Variants in RASGRF2 observed in about 807,000 individuals in gnomAD.
The protein encoded by RASGRF2 is ras-specific guanine nucleotide-releasing factor 2.
A neutral mutation model predicts 151.0 loss-of-function variants in RASGRF2; 76 were observed. That is an observed-to-expected ratio of 0.50 (90% confidence interval 0.42 to 0.61). The LOEUF is 0.61. RASGRF2 is among the 20% of genes least tolerant of loss of function. The pLI, the probability that RASGRF2 is intolerant of heterozygous loss-of-function variation, is 0.00. For missense variants in RASGRF2, 1,148 were observed against 1,564.6 expected, an observed-to-expected ratio of 0.73 and a Z score of 4.49; for synonymous variants, 504 against 566.5, an observed-to-expected ratio of 0.89 and a Z score of 1.57.
At chr5:81,079,522 G>A (rs1752027279) in intron 5 of RASGRF2, among the ~76,000 whole-genome samples, 2 of 152,078 alleles carry the variant, frequency 1.3e-5, no homozygotes, top group Non-Finnish European at 2.9e-5. Flanking sequence ...AAGCAATGAT[G>A]TTTTGACTTT....
rs1020851090 is a variant in RASGRF2, at chr5:80,961,031, C to T, written c.288+5C>T. On this transcript the variant is annotated splice_donor_5th_base_variant and intron_variant, in intron 1 of 26. Transcript: ENST00000265080. ...CGAGACGCGCTGGACAAGCAGGTAC[C>T]GCGCGCCTTCTCTCCGCGGTCTCCC... 3 of 1,454,586 alleles carry T rather than the reference C, an allele frequency of 2.1e-6. No homozygotes were observed. The highest frequency in any genetic ancestry group is 2.5e-5 in the Admixed American group (1 of 39,604). 90.1% of individuals were successfully genotyped at this position (1,454,586 alleles called of 1,614,324 possible).
intron 5 of RASGRF2, among the ~76,000 whole-genome samples, chr5:81,074,722 T>C (rs72769297): frequency 6.6e-6 from 1 of 152,176 alleles, no homozygotes; most frequent in South Asian, 2.1e-4. Context: ...AATCTGTGAA[T>C]GTACCATAGT....
chr5:81,159,328 G>T (rs564244465), intron 17 of RASGRF2, among the ~76,000 whole-genome samples: 4 of 152,222 alleles, frequency 2.6e-5, no homozygotes, highest in Admixed American at 6.5e-5. Context: ...CTCTGCCTTT[G>T]CAGTGCCAAA....
intron 9 of RASGRF2, among the ~76,000 whole-genome samples, chr5:81,089,887 C>A (rs938739806): frequency 1.3e-5 from 2 of 152,094 alleles, no homozygotes; most frequent in East Asian, 3.8e-4. Flanking sequence ...AAGCCAAGAT[C>A]CAAATTTTGG....
chr5:81,123,720 G>A lies in RASGRF2; in HGVS notation c.2549G>A (p.Cys850Tyr), dbSNP rs778348201. ...PAADTTELSP[C>Y]RSPSTPRHLR... is the part of the protein sequence containing the mutation. ...GCGGACACCACAGAACTTTCACCTT[G>A]CAGATCCCCCTCAACTCCTCGGCAC... Residue 850 changes from cysteine to tyrosine, a missense_variant, in exon 16 of 27, where the codon TGC becomes TAC. Physicochemically the swap from Cys to Tyr is radical, Grantham distance 194. Around this residue, in one of 5 missense-constraint regions of RASGRF2, gnomAD observed 646 missense variants for 807.4 expected, o/e 0.80. Coordinates refer to ENST00000265080, the MANE Select transcript of RASGRF2 (RefSeq NM_006909.3). The A allele has an allele frequency of 6.2e-7, 1 of 1,613,954 alleles. No individual in the cohort carries two copies. Among genetic ancestry groups the A allele is most frequent in the Non-Finnish European group, 8.5e-7 (1 of 1,179,960 alleles).
chr5:81,219,364 A>C (rs1393220452), intron 25 of RASGRF2, among the ~76,000 whole-genome samples: 1 of 152,160 alleles, frequency 6.6e-6, no homozygotes, highest in African/African-American at 2.4e-5. Flanking sequence ...TACAGGCATG[A>C]GCCACCATGC....
Position 80,960,831 on chromosome 5 carries a change from G to A in RASGRF2, c.93G>A (p.Lys31=). 1 of 1,613,644 alleles carries A rather than the reference G, an allele frequency of 6.2e-7. No individual in the cohort carries two copies. The highest frequency in any genetic ancestry group is 8.5e-7 in the Non-Finnish European group (1 of 1,179,772). The change falls in exon 1 of 27, where the codon AAG becomes AAA. Residue 31 remains lysine (K), a synonymous_variant. Transcript: ENST00000265080. This position sits in a 1 kb window ranked among gnomAD's most constrained non-coding sequence, Gnocchi z 5.5. ...KEGTKRGFLS[K]KTAEASRWHE... is the part of the protein sequence containing the mutation. Reference sequence around the variant, plus strand: ...GCACCAAGCGCGGCTTCCTGAGTAAGAAGACGGCCGAGGCGAGCCGCTGGC... The same window carrying A: ...GCACCAAGCGCGGCTTCCTGAGTAAAAAGACGGCCGAGGCGAGCCGCTGGC...
At chr5:81,207,692 T>G (rs1755541352) in intron 21 of RASGRF2, among the ~76,000 whole-genome samples, 1 of 152,234 alleles carries the variant, frequency 6.6e-6, no homozygotes, top group Non-Finnish European at 1.5e-5. Context: ...TGCTCAGGAA[T>G]GAAGTGAATG....
intron 9 of RASGRF2, chr5:81,087,912 G>C (rs1036537136): frequency 5.2e-5 from 8 of 152,832 alleles, no homozygotes; most frequent in African/African-American, 1.9e-4. Flanking sequence ...TCAAGAACAA[G>C]ACAATGTTTT....
At chr5:81,084,856 CAGTT>C (rs1225383343) in intron 7 of RASGRF2, among the ~76,000 whole-genome samples, 3 of 152,292 alleles carry the variant, frequency 2.0e-5, no homozygotes, top group Admixed American at 6.5e-5. Flanking sequence ...TGAGAAAAGA[CAGTT>C]AGTGCACTGG....
intron 26 of RASGRF2, among the ~76,000 whole-genome samples, chr5:81,220,175 C>T (rs888969881): frequency 6.6e-6 from 1 of 152,116 alleles, no homozygotes; most frequent in African/African-American, 2.4e-5. Context: ...TTCCTGGCTT[C>T]CCGTTGGTCT....
At chr5:81,224,981 A>G (rs1032925701) in intron 26 of RASGRF2, among the ~76,000 whole-genome samples, 3 of 151,004 alleles carry the variant, frequency 2.0e-5, no homozygotes, top group Non-Finnish European at 4.4e-5. Context: ...GTCAAAACAG[A>G]TCAAACTATC....
At chr5:81,147,097 C>T (rs1019466692) in intron 17 of RASGRF2, among the ~76,000 whole-genome samples, 2 of 152,022 alleles carry the variant, frequency 1.3e-5, no homozygotes, top group African/African-American at 2.4e-5. Context: ...AACTCCTGCA[C>T]GCTATATAAT....
intron 1 of RASGRF2, among the ~76,000 whole-genome samples, chr5:80,996,263 T>A (rs573327283): frequency 6.6e-6 from 1 of 152,220 alleles, no homozygotes; most frequent in East Asian, 1.9e-4. Flanking sequence ...AACTGTAAAA[T>A]TCAGGAGTGG....
chr5:81,042,804 G>A, intron 1 of RASGRF2, 73 bp from the exon 2 acceptor site: 1 of 1,028,124 alleles, frequency 9.7e-7, no homozygotes, highest in Non-Finnish European at 1.5e-6. Context: ...CCCTTTGTAG[G>A]CAGATACTGT....
intron 18 of RASGRF2, among the ~76,000 whole-genome samples, chr5:81,193,503 CTTTTTTCT>C (rs949527158): frequency 6.6e-6 from 1 of 152,058 alleles, no homozygotes; most frequent in African/African-American, 2.4e-5. Flanking sequence ...CTGATAGCTG[CTTTTTTCT>C]TTTTTTCTTT....
chr5:80,973,695 A>T (rs567384597), intron 1 of RASGRF2, among the ~76,000 whole-genome samples: 115 of 152,182 alleles, frequency 7.6e-4, no homozygotes, highest in Non-Finnish European at 1.4e-3. Context: ...GATACTCCAT[A>T]ATCACCTCGC....
intron 1 of RASGRF2, among the ~76,000 whole-genome samples, chr5:80,994,171 C>G (rs961061820): frequency 6.6e-6 from 1 of 151,902 alleles, no homozygotes; most frequent in South Asian, 2.1e-4. Context: ...CGAGACCATC[C>G]TGGCTAACAC....
chr5:81,062,115 T>C (rs1272367263), intron 2 of RASGRF2, among the ~76,000 whole-genome samples: 1 of 152,096 alleles, frequency 6.6e-6, no homozygotes, highest in Non-Finnish European at 1.5e-5. Context: ...GTGTTGGGAT[T>C]GTAAGCATAG....
Sources: allele counts gnomAD v4.1 joint callset (sites outside exome capture counted in the v4.1 genomes callset), GRCh38; gene constraint gnomAD v4.1.1; regional missense constraint gnomAD v4.1.1; non-coding constraint Gnocchi (gnomAD v3.1); transcripts MANE v1.5; gene names NCBI Gene and HGNC (gene_info 2026-07-23, HGNC 2026-07-21).